Variants in PRH1 observed in about 807,000 individuals in gnomAD.
The protein encoded by PRH1 is proline rich protein HaeIII subfamily 1.
PRH1 carries 7 observed loss-of-function variants against 7.9 expected under a neutral mutation model. The ratio of observed to expected loss-of-function variants is 0.89; its 90% CI spans 0.50 to 1.67. The LOEUF (loss-of-function observed/expected upper bound fraction) is 1.67. Among genes scored for constraint, PRH1 ranks in the 40% most tolerant of loss-of-function variants. The pLI, the probability that PRH1 is intolerant of heterozygous loss-of-function variation, is 0.00. For missense variants in PRH1, 109 were observed against 223.6 expected (o/e 0.49, Z 3.27); for synonymous variants, 45 against 80.8 (o/e 0.56, Z 2.38).
chr12:11,021,955 A>T, intron 1 of PRH1: 1 of 1,613,658 alleles, frequency 6.2e-7, no homozygotes, highest in Non-Finnish European at 8.5e-7. Context: ...CATCTTCTTG[A>T]GATGTTTACA....
At chr12:10,932,096 G>A (rs1950221821) in intron 2 of PRH1, 1 of 276,240 alleles carries the variant, frequency 3.6e-6, no homozygotes, top group African/African-American at 2.1e-5. Context: ...TGATATTAAG[G>A]AGGGGGGCTG....
intron 2 of PRH1, chr12:10,965,292 T>A (rs920862298): frequency 7.1e-7 from 1 of 1,407,882 alleles, no homozygotes; most frequent in Non-Finnish European, 9.7e-7. Flanking sequence ...TTAGCAAAAT[T>A]CCCAAGAACA....
chr12:11,070,995 A>G (rs78596224), intron 1 of PRH1, among the ~76,000 whole-genome samples: 9 of 74,576 alleles, frequency 1.2e-4, no homozygotes, highest in Non-Finnish European at 2.8e-4. Context: ...TTTTATTATT[A>G]TTTTCTCTTC....
intron 1 of PRH1, among the ~76,000 whole-genome samples, chr12:11,005,719 C>G (rs1419267598): frequency 6.6e-6 from 1 of 152,066 alleles, no homozygotes; most frequent in Non-Finnish European, 1.5e-5. Flanking sequence ...GGCAAGTCGT[C>G]CAGGTTGAAA....
At chr12:10,989,243 T>C (rs1939805944) in intron 1 of PRH1, among the ~76,000 whole-genome samples, 1 of 151,760 alleles carries the variant, frequency 6.6e-6, no homozygotes, top group Admixed American at 6.5e-5. Context: ...GACTCACCTT[T>C]ACGTTTCTGA....
At chr12:10,983,723 C>T (rs377764297) in intron 1 of PRH1, among the ~76,000 whole-genome samples, 4 of 152,310 alleles carry the variant, frequency 2.6e-5, no homozygotes. Context: ...TGGAAAAGTA[C>T]TGGGAGTCAA....
At chr12:10,932,494 C>T (rs1013568432) in intron 2 of PRH1, among the ~76,000 whole-genome samples, 11 of 152,036 alleles carry the variant, frequency 7.2e-5, no homozygotes, top group African/African-American at 2.7e-4. Context: ...TTCTTTCCTT[C>T]TCTGTCTTCT....
intron 1 of PRH1, chr12:11,022,083 A>C: frequency 6.2e-7 from 1 of 1,613,948 alleles, no homozygotes; most frequent in Non-Finnish European, 8.5e-7. Context: ...TGATCTTCCA[A>C]GTCACATTTC....
At chr12:11,080,394 A>G (rs796290364) in intron 1 of PRH1, among the ~76,000 whole-genome samples, 197 of 83,416 alleles carry the variant, frequency 2.4e-3, no homozygotes, top group Admixed American at 3.5e-3. Context: ...ATATATATTT[A>G]GGCAGCTTGT....
At chr12:10,965,634 T>G (rs546647244) in intron 2 of PRH1, among the ~76,000 whole-genome samples, 1 of 152,336 alleles carries the variant, frequency 6.6e-6, no homozygotes, top group East Asian at 1.9e-4. Flanking sequence ...GATACTGAAG[T>G]AGAAGTGAAA....
chr12:10,972,393 C>T (rs1487811082), intron 2 of PRH1, among the ~76,000 whole-genome samples: 1 of 152,132 alleles, frequency 6.6e-6, no homozygotes, highest in South Asian at 2.1e-4. Flanking sequence ...CAGTAAAGCA[C>T]CAGCACATGC....
intron 2 of PRH1, among the ~76,000 whole-genome samples, chr12:10,911,743 C>T (rs1001158772): frequency 6.6e-6 from 1 of 152,012 alleles, no homozygotes; most frequent in African/African-American, 2.4e-5. Context: ...ATTTTTGCTG[C>T]CTATTATTGT....
chr12:10,991,242 T>A (rs1939916798), intron 1 of PRH1, among the ~76,000 whole-genome samples: 1 of 152,188 alleles, frequency 6.6e-6, no homozygotes, highest in African/African-American at 2.4e-5. Context: ...TCATAATTAA[T>A]TGATCATAGA....
At chr12:11,003,309 C>T (rs1303693856) in intron 1 of PRH1, among the ~76,000 whole-genome samples, 1 of 151,698 alleles carries the variant, frequency 6.6e-6, no homozygotes, top group Admixed American at 6.6e-5. Context: ...TTTCATTATT[C>T]GGGAACCTAA....
At chr12:11,021,375 C>A (rs986856967) in intron 1 of PRH1, among the ~76,000 whole-genome samples, 1 of 152,068 alleles carries the variant, frequency 6.6e-6, no homozygotes, top group Admixed American at 6.5e-5. Context: ...ATAATAAATT[C>A]TTCAAATGAA....
chr12:10,888,979 T>C (rs1949533136), upstream of PRH1, among the ~76,000 whole-genome samples: 1 of 152,238 alleles, frequency 6.6e-6, no homozygotes, highest in Non-Finnish European at 1.5e-5. Context: ...GAATGTCATT[T>C]TTCCACATTT....
At chr12:11,100,218 C>A (rs1484888195) in intron 1 of PRH1, among the ~76,000 whole-genome samples, 1 of 152,110 alleles carries the variant, frequency 6.6e-6, no homozygotes, top group Non-Finnish European at 1.5e-5. Flanking sequence ...AGTCAACTAA[C>A]CCTTATAAAG....
At chr12:11,033,509 T>C (rs1942313108) in intron 1 of PRH1, among the ~76,000 whole-genome samples, 1 of 151,896 alleles carries the variant, frequency 6.6e-6, no homozygotes, top group Non-Finnish European at 1.5e-5. Context: ...AAACCAAGAG[T>C]GTGGGAAATA....
At chr12:11,164,372 A>G (rs1322804261) in intron 1 of PRH1, among the ~76,000 whole-genome samples, 4 of 152,058 alleles carry the variant, frequency 2.6e-5, no homozygotes, top group African/African-American at 9.7e-5. Context: ...CCTCAAGACT[A>G]CACCACTGGT....
Sources: allele counts gnomAD v4.1 joint callset (sites outside exome capture counted in the v4.1 genomes callset), GRCh38; gene constraint gnomAD v4.1.1; transcripts MANE v1.5; gene names NCBI Gene and HGNC (gene_info 2026-07-23, HGNC 2026-07-21).